SGPP1: variants seen among roughly 807,000 people sequenced by gnomAD.
SGPP1 encodes the protein hSPP1.
SGPP1 carries 21 observed loss-of-function variants against 33.0 expected under a neutral mutation model. The observed-to-expected ratio is 0.64, with a 90% CI of 0.45 to 0.92. SGPP1 has a LOEUF of 0.92. Among genes scored for constraint, SGPP1 ranks in the 40% least tolerant of loss-of-function variants. The pLI is 0.00. For synonymous variants in SGPP1, 239 were observed against 241.2 expected, an observed-to-expected ratio of 0.99 and a Z score of 0.08; for missense variants, 543 against 589.4, an observed-to-expected ratio of 0.92 and a Z score of 0.81.
intron 1 of SGPP1, among the ~76,000 whole-genome samples, chr14:63,723,065 TAATTC>T (rs978563646): frequency 6.6e-6 from 1 of 152,028 alleles, no homozygotes; most frequent in African/African-American, 2.4e-5. Flanking sequence ...AAAATTAAAT[TAATTC>T]AAGTCAAACA....
chr14:63,720,994 T>C (rs1885759024), intron 1 of SGPP1, among the ~76,000 whole-genome samples: 1 of 152,214 alleles, frequency 6.6e-6, no homozygotes, highest in Admixed American at 6.5e-5. Flanking sequence ...GCAATTCTCC[T>C]GTCTCAGCCT....
At chr14:63,692,153 T>C (rs976842804) in intron 2 of SGPP1, among the ~76,000 whole-genome samples, 1 of 152,224 alleles carries the variant, frequency 6.6e-6, no homozygotes, top group Non-Finnish European at 1.5e-5. Context: ...TTTACAATTA[T>C]TGTCACATTT....
intron 1 of SGPP1, among the ~76,000 whole-genome samples, chr14:63,718,995 TA>T (rs1885696723): frequency 9.9e-4 from 21 of 21,200 alleles, no homozygotes; most frequent in African/African-American, 4.7e-3. Flanking sequence ...TATATATATA[TA>T]TATATATATA....
chr14:63,686,152 T>C lies in SGPP1; in HGVS notation c.1279A>G (p.Ile427Val). ...YITYGMVGFS[I>V]TFFVPYIFFF... ...AATATGTAAGGAACAAAAAATGTGATGGAGAAACCAACCATTCCATAGGTA... is the reference window on the plus strand; with the variant it reads ...AATATGTAAGGAACAAAAAATGTGACGGAGAAACCAACCATTCCATAGGTA... Residue 427 changes from isoleucine to valine, a missense_variant, in exon 3 of 3, where the codon ATC becomes GTC. Physicochemically the swap from Ile to Val is conservative, Grantham distance 29. Transcript: ENST00000247225. 1.2e-6 allele frequency: 2 copies of C among 1,609,596 alleles called. No homozygotes were observed. The highest frequency in any genetic ancestry group is 1.3e-5 in the African/African-American group (1 of 74,772).
intron 2 of SGPP1, among the ~76,000 whole-genome samples, chr14:63,687,772 G>C (rs1179643132): frequency 1.3e-5 from 2 of 152,200 alleles, no homozygotes; most frequent in Non-Finnish European, 2.9e-5. Context: ...GAAACTGCTT[G>C]AGCCCAGGAG....
intron 1 of SGPP1, among the ~76,000 whole-genome samples, chr14:63,722,698 G>A (rs1885798158): frequency 1.3e-5 from 2 of 151,972 alleles, no homozygotes; most frequent in Admixed American, 6.6e-5. Context: ...GGGCAAGGTG[G>A]CTGACGCCTG....
At chr14:63,699,504 G>C (rs2139636029) in intron 1 of SGPP1, among the ~76,000 whole-genome samples, 1 of 152,286 alleles carries the variant, frequency 6.6e-6, no homozygotes, top group South Asian at 2.1e-4. Context: ...AGGGACTTAA[G>C]TAAGCTTGTA....
chr14:63,685,424 A>G lies in SGPP1; in HGVS notation c.*681T>C, dbSNP rs1884949352. ...ACTGACATCCAGAATAGCTGCAAAT[A>G]AAGTTCATTCAAAACAGTATACAGA... On this transcript the variant is annotated 3_prime_UTR_variant, in exon 3 of 3. Transcript: ENST00000247225. 1 of 152,504 alleles carries G rather than the reference A, an allele frequency of 6.6e-6. No individual in the cohort carries two copies. The highest frequency in any genetic ancestry group is 1.5e-5 in the Non-Finnish European group (1 of 67,920). The allele number at this position is 152,504 out of a possible 1,614,324, so 9.4% of individuals were successfully genotyped here. A position where few individuals can be genotyped will look rare whatever the true frequency, so the allele number is the denominator to read the frequency against.
intron 1 of SGPP1, among the ~76,000 whole-genome samples, chr14:63,705,178 T>G (rs773564868): frequency 6.7e-6 from 1 of 149,212 alleles, no homozygotes; most frequent in Non-Finnish European, 1.5e-5. Context: ...CAAAGGAAAT[T>G]ATCAAGAAAG....
rs965549076 is a variant in SGPP1, at chr14:63,685,688, A to C, written c.*417T>G. The C allele has an allele frequency of 6.6e-6, 1 of 151,810 alleles. No individual in the cohort carries two copies. The highest frequency in any genetic ancestry group is 1.5e-5 in the Non-Finnish European group (1 of 67,878). 9.4% of individuals were successfully genotyped at this position (151,810 alleles called of 1,614,324 possible). A position where few individuals can be genotyped will look rare whatever the true frequency, so the allele number is the denominator to read the frequency against. On this transcript the variant is annotated 3_prime_UTR_variant, in exon 3 of 3. Transcript: ENST00000247225. ...ATAACAACATACCTGTATGTAGTTC[A>C]AATACACAGGCACAACTGTTTGCAT...
intron 2 of SGPP1, among the ~76,000 whole-genome samples, chr14:63,691,830 T>C (rs1340145015): frequency 6.6e-6 from 1 of 152,116 alleles, no homozygotes. Context: ...GGCAAAGACT[T>C]TACCTTATTT....
intron 1 of SGPP1, among the ~76,000 whole-genome samples, chr14:63,724,726 C>A: frequency 7.0e-6 from 1 of 143,330 alleles, no homozygotes; most frequent in South Asian, 2.3e-4. Context: ...GGCCGATGAG[C>A]GGGGGGCGGC....
chr14:63,706,699 G>T (rs1885414723), intron 1 of SGPP1, among the ~76,000 whole-genome samples: 1 of 152,140 alleles, frequency 6.6e-6, no homozygotes, highest in African/African-American at 2.4e-5. Flanking sequence ...AACATGGGCT[G>T]TGTTAACCCT....
intron 1 of SGPP1, among the ~76,000 whole-genome samples, chr14:63,717,865 G>A (rs1815922046): frequency 6.6e-6 from 1 of 152,072 alleles, no homozygotes; most frequent in African/African-American, 2.4e-5. Flanking sequence ...TACATATTAA[G>A]TACTGGGGAT....
chr14:63,700,236 A>C (rs769408159), intron 1 of SGPP1, among the ~76,000 whole-genome samples: 5 of 152,128 alleles, frequency 3.3e-5, no homozygotes, highest in Non-Finnish European at 5.9e-5. Context: ...TAGACTAGGC[A>C]TGCTGAAGAC....
In SGPP1 at chr14:63,686,179, T is replaced by C. The variant is rs1884967905; in HGVS notation, c.1252A>G (p.Ile418Val). ...HMEVELPYRY[I>V]TYGMVGFSIT... is the part of the protein sequence containing the mutation. The stretch of plus-strand genomic sequence containing the variant: ...GAGAAACCAACCATTCCATAGGTAA[T>C]ATACCGATAAGGAAGTTCAACTTCC... Residue 418 changes from isoleucine (I) to valine (V), a missense_variant, in exon 3 of 3, where the codon ATT becomes GTT. By Grantham distance (29) the Ile-to-Val change is conservative. Transcript: ENST00000247225. 6.2e-7 allele frequency: 1 copy of C among 1,613,864 alleles called. No individual in the cohort carries two copies. Among genetic ancestry groups the C allele is most frequent in the Non-Finnish European group, 8.5e-7 (1 of 1,179,770 alleles).
rs1463438936 is a variant in SGPP1, at chr14:63,686,390, T to C, written c.1041A>G (p.Leu347=). 1 of 1,614,108 alleles carries C rather than the reference T, an allele frequency of 6.2e-7. No individual in the cohort carries two copies. The highest frequency in any genetic ancestry group is 8.5e-7 in the Non-Finnish European group (1 of 1,180,008). ...GGGGCCCAGCTAAAGGTAATGTATC[T>C]AGAGAAGGATCTAATACTAGACCCA... ...YNMGLVLDPS[L]DTLPLAGPPI... Residue 347 remains leucine (L), a synonymous_variant, in exon 3 of 3, where the codon CTA becomes CTG. Coordinates refer to ENST00000247225, the MANE Select transcript of SGPP1 (RefSeq NM_030791.4).
intron 2 of SGPP1, among the ~76,000 whole-genome samples, chr14:63,689,985 T>C (rs1489302104): frequency 6.6e-6 from 1 of 152,204 alleles, no homozygotes; most frequent in Non-Finnish European, 1.5e-5. Context: ...TTATTGGTTT[T>C]CCCACTTATG....
chr14:63,727,630 C>T lies in SGPP1; in HGVS notation c.315G>A (p.Ala105=). The part of the protein sequence containing the change: ...AELGPASPRR[A]GALRRNSLTG... ...TCAGCGAGTTGCGGCGCAGAGCGCCCGCGCGCCGCGGCGAGGCCGGGCCCA... is the reference window on the plus strand; with the variant it reads ...TCAGCGAGTTGCGGCGCAGAGCGCCTGCGCGCCGCGGCGAGGCCGGGCCCA... Residue 105 remains alanine, a synonymous_variant, in exon 1 of 3, where the codon GCG becomes GCA. Coordinates refer to ENST00000247225, the MANE Select transcript of SGPP1 (RefSeq NM_030791.4). The T allele has an allele frequency of 7.0e-7, 1 of 1,421,908 alleles. No homozygotes were observed. The highest frequency in any genetic ancestry group is 1.6e-5 in the South Asian group (1 of 63,508). 88.1% of individuals were successfully genotyped at this position (1,421,908 alleles called of 1,614,324 possible).
Sources: gnomAD v4.1 joint callset for allele counts (sites outside exome capture counted in the v4.1 genomes callset) on GRCh38, gnomAD v4.1.1 for gene constraint, MANE v1.5 for transcripts, NCBI Gene and HGNC (gene_info 2026-07-23, HGNC 2026-07-21) for gene names.